TAOK3: variants seen among roughly 807,000 people sequenced by gnomAD.
TAOK3 encodes serine/threonine-protein kinase TAO3.
Under a neutral mutation model 120.4 loss-of-function variants are expected in TAOK3, and 40 were observed. That is an observed-to-expected ratio of 0.33 (90% CI 0.26 to 0.43). The LOEUF is 0.43. Ranked by LOEUF, TAOK3 falls within the 20% of genes least tolerant of loss-of-function variation. The pLI, the probability that TAOK3 is intolerant of heterozygous loss-of-function variation, is 1.00. For missense variants in TAOK3, 821 were observed against 1,112.1 expected (o/e 0.74, Z 3.72); for synonymous variants, 355 against 387.5 (o/e 0.92, Z 0.99).
intron 1 of TAOK3, among the ~76,000 whole-genome samples, chr12:118,308,301 A>C (rs2043127945): frequency 1.3e-5 from 2 of 152,182 alleles, no homozygotes; most frequent in South Asian, 4.1e-4. Context: ...GCATATCATC[A>C]AGAAATAACC....
At chr12:118,286,790 T>C (rs901448409) in intron 1 of TAOK3, among the ~76,000 whole-genome samples, 1 of 152,182 alleles carries the variant, frequency 6.6e-6, no homozygotes, top group Non-Finnish European at 1.5e-5. Context: ...GCAGCACAAT[T>C]TGCAATTACA....
chr12:118,342,955 AAAAG>A (rs2044684275), intron 1 of TAOK3, among the ~76,000 whole-genome samples: 2 of 141,308 alleles, frequency 1.4e-5, no homozygotes, highest in African/African-American at 3.1e-5. Context: ...AAAAAAAAAA[AAAAG>A]AGAGAGAGAG....
chr12:118,304,430 A>G (rs2042979430), intron 1 of TAOK3, among the ~76,000 whole-genome samples: 1 of 152,172 alleles, frequency 6.6e-6, no homozygotes, highest in Non-Finnish European at 1.5e-5. Flanking sequence ...AGCCTTCACC[A>G]ATTGGTGCTG....
chr12:118,369,062 C>T (rs2045828132), intron 1 of TAOK3, among the ~76,000 whole-genome samples: 1 of 150,388 alleles, frequency 6.6e-6, no homozygotes, highest in Middle Eastern at 3.5e-3. Flanking sequence ...ATGGTATTTG[C>T]CTGTGGTCCC....
intron 19 of TAOK3, among the ~76,000 whole-genome samples, chr12:118,157,844 GCTTAAGCAT>G (rs2034947814): frequency 6.6e-6 from 1 of 151,920 alleles, no homozygotes; most frequent in Non-Finnish European, 1.5e-5. Flanking sequence ...GAACATGCAT[GCTTAAGCAT>G]CTCCCAACTA....
At chr12:118,262,171 A>G (rs1415246048) in intron 2 of TAOK3, among the ~76,000 whole-genome samples, 2 of 151,278 alleles carry the variant, frequency 1.3e-5, no homozygotes, top group Non-Finnish European at 2.9e-5. Flanking sequence ...TGAAATGATT[A>G]TGTCTCTATG....
intron 1 of TAOK3, among the ~76,000 whole-genome samples, chr12:118,367,009 G>A (rs992561133): frequency 1.3e-5 from 2 of 152,204 alleles, no homozygotes; most frequent in African/African-American, 4.8e-5. Flanking sequence ...AGTAAGCCGA[G>A]ATGGCACCAC....
At position 118,189,916 on chromosome 12, in the gene TAOK3, G is replaced by A. The variant is rs753748348; in HGVS notation, c.1220C>T (p.Ala407Val). ...KKDHVFIRDE[A>V]GHGDPRPEPR... ...CTCAGGCCTGGGATCGCCGTGGCCC[G>A]CCTCATCCCTTATGAATACATGATC... The change falls in exon 14 of 21, where the codon GCG becomes GTG. Residue 407 changes from alanine (A) to valine (V), a missense_variant. Around this residue, in one of 2 missense-constraint regions of TAOK3, gnomAD observed 467 missense variants for 540.0 expected, o/e 0.86. Coordinates refer to ENST00000392533, the MANE Select transcript of TAOK3 (RefSeq NM_016281.4). The A allele has an allele frequency of 1.2e-6, 2 of 1,614,184 alleles. No individual in the cohort carries two copies. The highest frequency in any genetic ancestry group is 1.1e-5 in the South Asian group (1 of 91,086).
chr12:118,339,324 G>T (rs947228646), intron 1 of TAOK3, among the ~76,000 whole-genome samples: 51 of 91,222 alleles, frequency 5.6e-4, no homozygotes, highest in African/African-American at 2.2e-3. Flanking sequence ...CGCTCTTGTT[G>T]CCCAGGCTGG....
intron 3 of TAOK3, chr12:118,246,538 G>C (rs950432149): frequency 2.2e-5 from 34 of 1,547,114 alleles, no homozygotes; most frequent in Non-Finnish European, 2.9e-5. Context: ...ACCGCCATCC[G>C]TGGGGCCATC....
chr12:118,177,499 C>CAAA (rs199778098), intron 15 of TAOK3, among the ~76,000 whole-genome samples, 170 bp from the exon 16 acceptor site: 37 of 142,674 alleles, frequency 2.6e-4, no homozygotes, highest in South Asian at 4.4e-4. Flanking sequence ...TAAAGAAACA[C>CAAA]AAAAAAAAAA....
chr12:118,305,926 A>G (rs988656928), intron 1 of TAOK3, among the ~76,000 whole-genome samples: 1 of 151,252 alleles, frequency 6.6e-6, no homozygotes. Context: ...AAAAAAAAAA[A>G]GTTGGCTCAA....
chr12:118,253,591 G>T (rs980063023), intron 3 of TAOK3, among the ~76,000 whole-genome samples: 7 of 151,730 alleles, frequency 4.6e-5, no homozygotes, highest in African/African-American at 1.7e-4. Context: ...ACAAAAATTA[G>T]CCTGGCATGA....
intron 17 of TAOK3, among the ~76,000 whole-genome samples, chr12:118,170,814 A>G (rs1181263093): frequency 6.6e-6 from 1 of 152,226 alleles, no homozygotes; most frequent in Non-Finnish European, 1.5e-5. Context: ...ATAAGACAGC[A>G]TGCAGAAAGA....
intron 1 of TAOK3, among the ~76,000 whole-genome samples, chr12:118,337,499 G>A (rs540788881): frequency 5.3e-5 from 8 of 152,290 alleles, no homozygotes; most frequent in East Asian, 1.9e-4. Flanking sequence ...ATCGCCAAAC[G>A]CTGGAAACAA....
intron 1 of TAOK3, among the ~76,000 whole-genome samples, chr12:118,340,924 CAAGT>C (rs2044589866): frequency 6.6e-6 from 1 of 151,770 alleles, no homozygotes; most frequent in Non-Finnish European, 1.5e-5. Flanking sequence ...GCCTGGGCAG[CAAGT>C]GAGACCCTGT....
intron 1 of TAOK3, among the ~76,000 whole-genome samples, chr12:118,345,859 C>T (rs2044835998): frequency 6.6e-6 from 1 of 152,066 alleles, no homozygotes; most frequent in Non-Finnish European, 1.5e-5. Flanking sequence ...AAAAAAAATC[C>T]ACTTTGAAAA....
At chr12:118,225,972 G>C (rs906988343) in intron 9 of TAOK3, among the ~76,000 whole-genome samples, 1 of 152,240 alleles carries the variant, frequency 6.6e-6, no homozygotes. Context: ...TGGCATGATG[G>C]CTTGCGCCTA....
At chr12:118,246,843 G>T in intron 3 of TAOK3, 6 of 1,299,190 alleles carry the variant, frequency 4.6e-6, no homozygotes, top group Non-Finnish European at 6.6e-6. Context: ...CCTGACCCCC[G>T]ACCTCTGGAA....
Sources: gnomAD v4.1 joint callset for allele counts (sites outside exome capture counted in the v4.1 genomes callset) on GRCh38, gnomAD v4.1.1 for gene constraint, gnomAD v4.1.1 regional missense constraint, MANE v1.5 for transcripts, NCBI Gene and HGNC (gene_info 2026-07-23, HGNC 2026-07-21) for gene names.